Variants in SLC4A7 observed in about 807,000 individuals in gnomAD.
SLC4A7 encodes sodium bicarbonate cotransporter 3.
In SLC4A7, 51 loss-of-function variants were observed where a neutral mutation model predicts 137.6. The ratio of observed to expected loss-of-function variants is 0.37; its 90% CI spans 0.30 to 0.47. The LOEUF is 0.47. Among genes scored for constraint, SLC4A7 ranks in the 20% least tolerant of loss-of-function variants. The pLI, the probability that SLC4A7 is intolerant of heterozygous loss-of-function variation, is 1.00. For missense variants in SLC4A7, 1,247 were observed against 1,525.4 expected (o/e 0.82, Z 3.04); for synonymous variants, 542 against 518.6 (o/e 1.05, Z -0.61).
rs530589763 is a variant in SLC4A7 at position 27,463,536 on chromosome 3, A to T, written c.61-11038T>A. 2.0e-3 allele frequency among the ~76,000 whole-genome samples: 303 copies of T among 152,212 alleles called. 1 individual carries two copies. The highest frequency in any genetic ancestry group is 5.1e-3 in the Admixed American group (78 of 15,270). On this transcript the variant is annotated intron_variant, in intron 1 of 25. Coordinates refer to ENST00000454389, the MANE Select transcript of SLC4A7 (RefSeq NM_001321103.2). ...GCCTGGGCAACAAGAGCGAAACTCC[A>T]CCTCAAAAAATAAAAAATAAAGCAA...
chr3:27,419,677 T>C (rs1249063795), intron 10 of SLC4A7, among the ~76,000 whole-genome samples: 1 of 151,756 alleles, frequency 6.6e-6, no homozygotes, highest in Non-Finnish European at 1.5e-5. Flanking sequence ...AGGAAGTCAT[T>C]AATATCTTTG....
intron 4 of SLC4A7, 38 bp from the exon 5 acceptor site, chr3:27,436,586 G>A: frequency 7.1e-6 from 9 of 1,261,656 alleles, no homozygotes; most frequent in South Asian, 3.0e-5. Flanking sequence ...TATAAGTAAT[G>A]AAGATTCCAT....
chr3:27,457,827 T>C (rs1359697134), intron 1 of SLC4A7, among the ~76,000 whole-genome samples: 1 of 152,174 alleles, frequency 6.6e-6, no homozygotes, highest in East Asian at 1.9e-4. Context: ...AAAGTCAGGT[T>C]AGCAGATGCA....
intron 3 of SLC4A7, among the ~76,000 whole-genome samples, chr3:27,447,906 C>T (rs1382348243): frequency 6.6e-6 from 1 of 151,732 alleles, no homozygotes; most frequent in East Asian, 1.9e-4. Context: ...CTGGCCAAAA[C>T]TGTGGTGTAA....
chr3:27,376,876 T>A (rs542236396), intron 25 of SLC4A7, 31 bp from the exon 26 acceptor site: 1 of 1,128,594 alleles, frequency 8.9e-7, no homozygotes, highest in African/African-American at 1.6e-5. Flanking sequence ...AAATAAATAA[T>A]TTTAAAATAT....
chr3:27,475,024 C>T (rs561711253), intron 1 of SLC4A7, among the ~76,000 whole-genome samples: 3 of 152,190 alleles, frequency 2.0e-5, no homozygotes, highest in South Asian at 2.1e-4. Flanking sequence ...GCAGGACAAT[C>T]GCTTGAACCT....
chr3:27,405,540 C>A (rs2053254696), intron 13 of SLC4A7, among the ~76,000 whole-genome samples: 1 of 151,968 alleles, frequency 6.6e-6, no homozygotes, highest in African/African-American at 2.4e-5. Context: ...TTTTATATGG[C>A]TGAAATAGTT....
At chr3:27,459,360 G>A (rs554046364) in intron 1 of SLC4A7, among the ~76,000 whole-genome samples, 2 of 151,966 alleles carry the variant, frequency 1.3e-5, no homozygotes, top group African/African-American at 4.8e-5. Context: ...AAAAATCAAG[G>A]TTTATAGGTG....
At chr3:27,385,830 G>T in intron 23 of SLC4A7, 62 bp downstream of exon 23, 1 of 1,134,998 alleles carries the variant, frequency 8.8e-7, no homozygotes, top group Non-Finnish European at 1.3e-6. Flanking sequence ...AATGGTGCCT[G>T]CAATATGGTG....
At chr3:27,474,729 G>A (rs998818035) in intron 1 of SLC4A7, among the ~76,000 whole-genome samples, 12 of 152,136 alleles carry the variant, frequency 7.9e-5, no homozygotes, top group African/African-American at 2.9e-4. Flanking sequence ...GCGAGCCTCT[G>A]TCTCAAAATA....
At chr3:27,449,193 C>A (rs11129286) in intron 2 of SLC4A7, among the ~76,000 whole-genome samples, 23,483 of 151,774 alleles carry the variant, frequency 0.15, 1,995 homozygotes, top group South Asian at 0.27. Flanking sequence ...AGCCACCGCA[C>A]CTGGCCTAAA....
intron 18 of SLC4A7, among the ~76,000 whole-genome samples, chr3:27,397,066 T>A (rs1336311763): frequency 6.6e-6 from 1 of 152,164 alleles, no homozygotes; most frequent in East Asian, 1.9e-4. Flanking sequence ...TCCCCTCTTA[T>A]TGCCCAGTCT....
chr3:27,437,305 C>G (rs1255849055), intron 4 of SLC4A7, 83 bp downstream of exon 4: 2 of 811,654 alleles, frequency 2.5e-6, no homozygotes, highest in East Asian at 3.1e-5. Flanking sequence ...GAGCCCAGAT[C>G]GCACCATCGC....
At chr3:27,466,316 T>G (rs1013466954) in intron 1 of SLC4A7, among the ~76,000 whole-genome samples, 3 of 150,818 alleles carry the variant, frequency 2.0e-5, no homozygotes, top group Non-Finnish European at 4.4e-5. Context: ...CCGGGCGAGG[T>G]GGTGGGCACC....
At chr3:27,437,356 A>G (rs1333978317) in intron 4 of SLC4A7, 32 bp downstream of exon 4, 6 of 1,479,760 alleles carry the variant, frequency 4.1e-6, no homozygotes, top group Non-Finnish European at 5.4e-6. Flanking sequence ...CATCTCAAAA[A>G]AAAAAAAGAG....
chr3:27,422,304 T>C (rs1382063287), intron 8 of SLC4A7, among the ~76,000 whole-genome samples: 1 of 152,204 alleles, frequency 6.6e-6, no homozygotes, highest in Non-Finnish European at 1.5e-5. Context: ...TCTTACTCTA[T>C]TGCCCAGGCT....
At chr3:27,463,647 A>C (rs570476733) in intron 1 of SLC4A7, among the ~76,000 whole-genome samples, 4 of 152,190 alleles carry the variant, frequency 2.6e-5, no homozygotes, top group African/African-American at 9.6e-5. Flanking sequence ...TGGCCTGCGC[A>C]CTGGGATGAG....
chr3:27,448,557 C>T, intron 3 of SLC4A7, 94 bp downstream of exon 3: 3 of 1,028,658 alleles, frequency 2.9e-6, no homozygotes, highest in Non-Finnish European at 4.3e-6. Context: ...TTAATGCATA[C>T]ATACAATTTT....
intron 4 of SLC4A7, among the ~76,000 whole-genome samples, chr3:27,436,988 G>A (rs2056788636): frequency 2.0e-5 from 3 of 152,166 alleles, no homozygotes; most frequent in Admixed American, 2.0e-4. Context: ...CTGGTTTAAA[G>A]CACCAGATAT....
Sources: allele counts gnomAD v4.1 joint callset (sites outside exome capture counted in the v4.1 genomes callset), GRCh38; gene constraint gnomAD v4.1.1; transcripts MANE v1.5; gene names NCBI Gene and HGNC (gene_info 2026-07-23, HGNC 2026-07-21).